The following OR2L13 variants were observed in gnomAD, a reference collection of about 807,000 sequenced individuals.
The protein encoded by OR2L13 is olfactory receptor 2L13.
Under a neutral mutation model 15.3 loss-of-function variants are expected in OR2L13, and 14 were observed. The observed-to-expected ratio is 0.91, with a 90% CI of 0.60 to 1.43. OR2L13 has a LOEUF of 1.43. OR2L13 is among the 40% of genes most tolerant of loss of function. OR2L13 has a pLI of 0.00. For missense variants in OR2L13, 367 were observed against 387.9 expected, an observed-to-expected ratio of 0.95 and a Z score of 0.45; for synonymous variants, 152 against 142.9, an observed-to-expected ratio of 1.06 and a Z score of -0.45.
At chr1:248,035,619 C>G in the OR2L13 span, 2 of 152,074 alleles carry the variant, frequency 1.3e-5, no homozygotes, top group Non-Finnish European at 2.9e-5. Context: ...CTTCCTGAAC[C>G]CAAAGGTAAG....
At chr1:248,049,671 C>T in the OR2L13 span, among the ~76,000 whole-genome samples, 1 of 152,052 alleles carries the variant, frequency 6.6e-6, no homozygotes, top group Non-Finnish European at 1.5e-5. Context: ...TTAAAAAATC[C>T]TACTTGTTTT....
the OR2L13 span, among the ~76,000 whole-genome samples, chr1:247,998,142 C>G: frequency 6.6e-6 from 1 of 152,070 alleles, no homozygotes. Context: ...GGGACTCTGG[C>G]AAGTGCTTAA....
the OR2L13 span, among the ~76,000 whole-genome samples, chr1:248,027,764 A>C: frequency 6.6e-6 from 1 of 152,174 alleles, no homozygotes; most frequent in African/African-American, 2.4e-5. Flanking sequence ...GACTCAGTGC[A>C]GGATGCAGCA....
chr1:248,011,116 T>C, the OR2L13 span, among the ~76,000 whole-genome samples: 2 of 152,156 alleles, frequency 1.3e-5, no homozygotes, highest in African/African-American at 4.8e-5. Context: ...TGTTTAGTGC[T>C]TCCTTCAGGA....
chr1:248,038,764 C>T, the OR2L13 span: 9 of 1,614,034 alleles, frequency 5.6e-6, no homozygotes, highest in Admixed American at 1.3e-4. Context: ...CTCTGTATCC[C>T]ATATTGCAAG....
At chr1:247,964,934 C>A in the OR2L13 span, among the ~76,000 whole-genome samples, 1,000 of 148,314 alleles carry the variant, frequency 6.7e-3, 13 homozygotes, top group African/African-American at 0.023. Context: ...TTTATAGATA[C>A]GTGTATATAA....
the OR2L13 span, among the ~76,000 whole-genome samples, chr1:247,943,014 A>G: frequency 6.6e-6 from 1 of 152,220 alleles, no homozygotes; most frequent in East Asian, 1.9e-4. Context: ...TTAGCATAAT[A>G]TATTCGAGGT....
At chr1:247,938,197 C>T in the OR2L13 span, among the ~76,000 whole-genome samples, 1 of 151,980 alleles carries the variant, frequency 6.6e-6, no homozygotes, top group Non-Finnish European at 1.5e-5. Context: ...AGTCTCCTAT[C>T]CCTGGTGTGC....
chr1:247,990,754 C>T, the OR2L13 span: 116 of 1,597,990 alleles, frequency 7.3e-5, no homozygotes, highest in Non-Finnish European at 9.7e-5. Context: ...GGTATATGCA[C>T]TCCGTATCCC....
the OR2L13 span, among the ~76,000 whole-genome samples, chr1:248,011,061 A>G: frequency 6.6e-6 from 1 of 151,926 alleles, no homozygotes; most frequent in Non-Finnish European, 1.5e-5. Context: ...GGTCTTTACA[A>G]TTTGGTATGT....
At chr1:247,951,803 C>T in the OR2L13 span, among the ~76,000 whole-genome samples, 1 of 152,182 alleles carries the variant, frequency 6.6e-6, no homozygotes, top group East Asian at 1.9e-4. Flanking sequence ...CATCAGCAGT[C>T]ACTTGCTGCT....
chr1:247,959,991 G>A, the OR2L13 span, among the ~76,000 whole-genome samples: 11 of 152,158 alleles, frequency 7.2e-5, no homozygotes, highest in East Asian at 1.9e-4. Context: ...GAGGAACTGC[G>A]TTCCTTTGGA....
At chr1:248,077,268 A>G in the OR2L13 span, among the ~76,000 whole-genome samples, 2 of 152,174 alleles carry the variant, frequency 1.3e-5, no homozygotes, top group African/African-American at 4.8e-5. Context: ...GGATTTTCGT[A>G]TTGATGTTCA....
upstream of OR2L13, among the ~76,000 whole-genome samples, chr1:248,094,564 T>A (rs532479190): frequency 2.0e-5 from 3 of 152,338 alleles, no homozygotes; most frequent in South Asian, 4.1e-4. Flanking sequence ...GTGGCATAGC[T>A]GTCAGACTAG....
the OR2L13 span, among the ~76,000 whole-genome samples, chr1:248,056,346 A>G: frequency 6.6e-6 from 1 of 151,732 alleles, no homozygotes; most frequent in Non-Finnish European, 1.5e-5. Context: ...GTGGGTCTCC[A>G]TCTCCTTCAG....
At chr1:248,041,410 A>G in the OR2L13 span, 8 of 152,190 alleles carry the variant, frequency 5.3e-5, no homozygotes, top group Admixed American at 5.2e-4. Context: ...AAAACCCTAG[A>G]AGAAAACCTA....
the OR2L13 span, among the ~76,000 whole-genome samples, chr1:247,985,305 T>C: frequency 2.9e-4 from 43 of 150,778 alleles, 1 homozygote; most frequent in Non-Finnish European, 3.5e-4. Flanking sequence ...TTCCCCTTCC[T>C]GTGTCCATGT....
upstream of OR2L13, among the ~76,000 whole-genome samples, chr1:248,091,552 T>A (rs1451265436): frequency 6.6e-6 from 1 of 152,076 alleles, no homozygotes; most frequent in Non-Finnish European, 1.5e-5. Context: ...ATTTCCCCAT[T>A]GATTATTTTT....
At chr1:248,038,140 G>A in the OR2L13 span, 16 of 659,910 alleles carry the variant, frequency 2.4e-5, no homozygotes, top group Non-Finnish European at 4.3e-5. Context: ...TTTATATAGG[G>A]TTCAGTATCA....
Sources: allele counts gnomAD v4.1 joint callset (sites outside exome capture counted in the v4.1 genomes callset), GRCh38; gene constraint gnomAD v4.1.1; transcripts MANE v1.5; gene names NCBI Gene and HGNC (gene_info 2026-07-23, HGNC 2026-07-21).